Variants in CDK5RAP2 observed in about 807,000 individuals in gnomAD.
CDK5RAP2 encodes CDK5 regulatory subunit associated protein 2.
Under a neutral mutation model 232.9 loss-of-function variants are expected in CDK5RAP2, and 147 were observed. That is an observed-to-expected ratio of 0.63 (90% CI 0.55 to 0.72). The LOEUF is 0.72. Among genes scored for constraint, CDK5RAP2 ranks in the 30% least tolerant of loss-of-function variants. The probability of loss-of-function intolerance (pLI) is 0.00; values close to 1 mark genes in which losing one functional copy is unlikely to be tolerated. For synonymous variants in CDK5RAP2, 833 were observed against 833.7 expected, an observed-to-expected ratio of 1.00 and a Z score of 0.01; for missense variants, 2,195 against 2,231.5, an observed-to-expected ratio of 0.98 and a Z score of 0.33.
intron 20 of CDK5RAP2, among the ~76,000 whole-genome samples, chr9:120,457,663 G>C (rs1414070238): frequency 6.6e-6 from 1 of 152,198 alleles, no homozygotes; most frequent in Non-Finnish European, 1.5e-5. Flanking sequence ...AGAAATACTA[G>C]GGTTCCTGGC....
intron 3 of CDK5RAP2, among the ~76,000 whole-genome samples, chr9:120,559,892 A>C (rs1336343138): frequency 6.6e-6 from 1 of 152,206 alleles, no homozygotes; most frequent in Non-Finnish European, 1.5e-5. Context: ...TCCTACTCCC[A>C]TTCTCTGTCA....
chr9:120,498,230 G>C (rs141286672), intron 12 of CDK5RAP2, among the ~76,000 whole-genome samples: 1 of 152,244 alleles, frequency 6.6e-6, no homozygotes, highest in East Asian at 1.9e-4. Flanking sequence ...CATACTTAGC[G>C]ATGGCCCCCT....
intron 27 of CDK5RAP2, among the ~76,000 whole-genome samples, chr9:120,416,199 A>G (rs1193049373): frequency 6.6e-6 from 1 of 152,210 alleles, no homozygotes; most frequent in Non-Finnish European, 1.5e-5. Context: ...TTAGATCCAC[A>G]GGTTGAGGCT....
chr9:120,465,269 C>G (rs752557855), intron 18 of CDK5RAP2, among the ~76,000 whole-genome samples: 2 of 152,208 alleles, frequency 1.3e-5, no homozygotes, highest in Non-Finnish European at 2.9e-5. Context: ...GCTCACCGTC[C>G]TGACTACACT....
intron 36 of CDK5RAP2, chr9:120,390,358 T>G (rs1240156116): frequency 6.3e-6 from 1 of 159,624 alleles, no homozygotes; most frequent in African/African-American, 2.4e-5. Context: ...CTCCTTTGCC[T>G]GCCCTTTAGC....
chr9:120,424,701 C>CTT (rs779377396), intron 25 of CDK5RAP2, among the ~76,000 whole-genome samples: 1 of 136,408 alleles, frequency 7.3e-6, no homozygotes. Flanking sequence ...TCTCACAGCT[C>CTT]TTTTTTTTTT....
intron 12 of CDK5RAP2, among the ~76,000 whole-genome samples, chr9:120,516,869 C>T (rs1371185559): frequency 6.6e-6 from 1 of 152,150 alleles, no homozygotes; most frequent in Non-Finnish European, 1.5e-5. Flanking sequence ...CACTATCTGA[C>T]CCAGTAATCT....
At chr9:120,389,953 A>C in intron 36 of CDK5RAP2, 166 bp from the exon 37 acceptor site, 1 of 683,686 alleles carries the variant, frequency 1.5e-6, no homozygotes, top group South Asian at 1.6e-5. Flanking sequence ...GGCCCACCTG[A>C]CCCATCACAA....
In CDK5RAP2 at chr9:120,568,318, T is replaced by C; in HGVS notation, c.195+3A>G. On this transcript the variant is annotated splice_donor_region_variant and intron_variant, in intron 3 of 37. Coordinates refer to ENST00000349780, the MANE Select transcript of CDK5RAP2 (RefSeq NM_018249.6). ...GGGGCAGTAATTTGGTATTTCCACTTACATTTTCAAAGTCCTTCATGTTCC... is the reference window on the plus strand; with the variant it reads ...GGGGCAGTAATTTGGTATTTCCACTCACATTTTCAAAGTCCTTCATGTTCC... The C allele has an allele frequency of 1.9e-6, 3 of 1,609,348 alleles. No homozygotes were observed. The highest frequency in any genetic ancestry group is 2.6e-6 in the Non-Finnish European group (3 of 1,175,560).
chr9:120,488,287 A>C (rs1564287879), intron 13 of CDK5RAP2, among the ~76,000 whole-genome samples: 1 of 152,232 alleles, frequency 6.6e-6, no homozygotes, highest in Non-Finnish European at 1.5e-5. Flanking sequence ...ATTCTTTATA[A>C]AAACCCATTG....
At chr9:120,505,406 A>T (rs1337711927) in intron 12 of CDK5RAP2, among the ~76,000 whole-genome samples, 1 of 151,938 alleles carries the variant, frequency 6.6e-6, no homozygotes, top group Non-Finnish European at 1.5e-5. Flanking sequence ...CCCTCTCCTC[A>T]TGCCTCCCTA....
At chr9:120,571,834 C>CA in intron 2 of CDK5RAP2, 140 bp downstream of exon 2, 1 of 715,602 alleles carries the variant, frequency 1.4e-6, no homozygotes, top group Non-Finnish European at 2.6e-6. Context: ...TCAATACATA[C>CA]AAAAAATACT....
At chr9:120,561,687 C>A (rs781033347) in intron 3 of CDK5RAP2, among the ~76,000 whole-genome samples, 6 of 152,246 alleles carry the variant, frequency 3.9e-5, no homozygotes, top group African/African-American at 7.2e-5. Context: ...TTCTTTTCAA[C>A]CTTTGCTCAT....
chr9:120,460,559 G>A lies in CDK5RAP2; in HGVS notation c.2202+13C>T, dbSNP rs368073405. Reference sequence around the variant, plus strand: ...GAGTAGATGAAATAAGGAGTTAACTGAAAGGTTCCTACCTCATTACTCTGC... The same window carrying A: ...GAGTAGATGAAATAAGGAGTTAACTAAAAGGTTCCTACCTCATTACTCTGC... On this transcript the variant is annotated intron_variant, in intron 19 of 37. Coordinates refer to ENST00000349780, the MANE Select transcript of CDK5RAP2 (RefSeq NM_018249.6). The A allele has an allele frequency of 2.9e-5, 47 of 1,612,296 alleles. 1 individual carries two copies. In the South Asian group the frequency reaches 4.3e-4, roughly 15 times the overall value.
intron 12 of CDK5RAP2, among the ~76,000 whole-genome samples, chr9:120,491,728 G>C (rs1190936110): frequency 6.6e-6 from 1 of 152,084 alleles, no homozygotes; most frequent in Admixed American, 6.5e-5. Context: ...AAACCAGAAA[G>C]AAACTAGACA....
At chr9:120,480,437 G>T (rs1392331987) in intron 14 of CDK5RAP2, among the ~76,000 whole-genome samples, 3 of 152,140 alleles carry the variant, frequency 2.0e-5, no homozygotes, top group Non-Finnish European at 2.9e-5. Flanking sequence ...GTCATCAAAA[G>T]AAATAGTTAT....
chr9:120,418,896 C>A (rs1334741455), intron 27 of CDK5RAP2, among the ~76,000 whole-genome samples: 1 of 152,180 alleles, frequency 6.6e-6, no homozygotes, highest in Admixed American at 6.5e-5. Context: ...TGCATGGGGC[C>A]GCTGTGAAAA....
chr9:120,457,291 C>G lies in CDK5RAP2; in HGVS notation c.2375+1159G>C, dbSNP rs575944030. On this transcript the variant is annotated intron_variant, in intron 20 of 37. Transcript: ENST00000349780. Reference sequence around the variant, plus strand: ...AGAAGGGAGCATTCCCCCTGACCGCCCAGTTCACCACGCTCCTACCACAGC... The same window carrying G: ...AGAAGGGAGCATTCCCCCTGACCGCGCAGTTCACCACGCTCCTACCACAGC... 1.6e-3 allele frequency among the ~76,000 whole-genome samples: 244 copies of G among 152,270 alleles called. 3 individuals carry two copies. Among genetic ancestry groups the G allele is most frequent in the African/African-American group, 5.6e-3 (232 of 41,546 alleles).
At chr9:120,422,398 G>A (rs2034620056) in intron 26 of CDK5RAP2, among the ~76,000 whole-genome samples, 1 of 152,196 alleles carries the variant, frequency 6.6e-6, no homozygotes, top group South Asian at 2.1e-4. Context: ...AGGCTAAGGA[G>A]TCTGGAGTTT....
Sources: allele counts gnomAD v4.1 joint callset (sites outside exome capture counted in the v4.1 genomes callset), GRCh38; gene constraint gnomAD v4.1.1; transcripts MANE v1.5; gene names NCBI Gene and HGNC (gene_info 2026-07-23, HGNC 2026-07-21).